The following SGSM1 variants were observed in gnomAD, a reference collection of about 807,000 sequenced individuals.
SGSM1 encodes the protein small G protein signaling modulator 1.
In SGSM1, 73 loss-of-function variants were observed where a neutral mutation model predicts 133.8. That is an observed-to-expected ratio of 0.55 (90% confidence interval 0.45 to 0.66). SGSM1 has a LOEUF of 0.66. SGSM1 is among the 30% of genes least tolerant of loss of function. The probability of loss-of-function intolerance (pLI) is 0.00; values close to 1 mark genes in which losing one functional copy is unlikely to be tolerated. For synonymous variants in SGSM1, 563 were observed against 573.0 expected, an observed-to-expected ratio of 0.98 and a Z score of 0.25; for missense variants, 1,213 against 1,448.1, an observed-to-expected ratio of 0.84 and a Z score of 2.64.
intron 2 of SGSM1, among the ~76,000 whole-genome samples, chr22:24,838,361 A>G (rs1258280324): frequency 6.6e-6 from 1 of 152,216 alleles, no homozygotes. Context: ...GACTAAAACT[A>G]GGTGTTTATA....
intron 6 of SGSM1, 59 bp downstream of exon 6, chr22:24,855,122 C>T: frequency 7.0e-6 from 11 of 1,574,174 alleles, no homozygotes; most frequent in Non-Finnish European, 9.5e-6. Flanking sequence ...CTGAGGGGCA[C>T]CTTCTCCAGG....
chr22:24,864,959 T>C (rs1931364669), intron 9 of SGSM1, among the ~76,000 whole-genome samples: 1 of 152,214 alleles, frequency 6.6e-6, no homozygotes, highest in South Asian at 2.1e-4. Flanking sequence ...AAGATGGGAA[T>C]GTAGTCAGGG....
chr22:24,853,764 G>A (rs1159105671), intron 5 of SGSM1, among the ~76,000 whole-genome samples: 1 of 140,794 alleles, frequency 7.1e-6, no homozygotes, highest in Non-Finnish European at 1.5e-5. Flanking sequence ...CACCACGCCT[G>A]GTGAATTTTT....
chr22:24,881,348 C>T (rs1199966929), intron 14 of SGSM1, among the ~76,000 whole-genome samples: 1 of 146,364 alleles, frequency 6.8e-6, no homozygotes, highest in East Asian at 2.1e-4. Context: ...GGGCGGATCA[C>T]GAGGTCAGGA....
chr22:24,839,425 C>T (rs989493990), intron 2 of SGSM1, among the ~76,000 whole-genome samples: 1 of 152,174 alleles, frequency 6.6e-6, no homozygotes, highest in Non-Finnish European at 1.5e-5. Flanking sequence ...AGGATTCTTG[C>T]ATGCATATTT....
chr22:24,898,283 G>T lies in SGSM1; in HGVS notation c.2334G>T (p.Val778=), dbSNP rs1357755829. ...AGGCTCCCCGGGAGGAGCTGGCCGT[G>T]CAGGACAGCCTGGAGAGTGACCTCC... ...QDEAPREELA[V]QDSLESDLLA... The change falls in exon 19 of 25, where the codon GTG becomes GTT. Residue 778 remains valine, a synonymous_variant. Transcript: ENST00000400358. 6.2e-7 allele frequency: 1 copy of T among 1,613,830 alleles called. No homozygotes were observed. Among genetic ancestry groups the T allele is most frequent in the Non-Finnish European group, 8.5e-7 (1 of 1,179,864 alleles).
intron 23 of SGSM1, among the ~76,000 whole-genome samples, chr22:24,918,129 G>A (rs1032681427): frequency 1.2e-4 from 18 of 152,102 alleles, no homozygotes; most frequent in African/African-American, 3.6e-4. Context: ...TTTCATGCAC[G>A]TTTCCAACAT....
intron 20 of SGSM1, among the ~76,000 whole-genome samples, chr22:24,904,564 T>A (rs923772840): frequency 7.6e-5 from 10 of 131,762 alleles, no homozygotes; most frequent in African/African-American, 3.1e-4. Flanking sequence ...TGAGCAACAG[T>A]GAGACTCCGT....
At position 24,889,711 on chromosome 22, in the gene SGSM1, G is replaced by A. The variant is rs540321061; in HGVS notation, c.1770+2983G>A. On this transcript the variant is annotated intron_variant, in intron 16 of 24. Transcript: ENST00000400358. ...GTCGCCCAGGCTGGAATGCAGTGGC[G>A]CGATCTCGGCTCACTGCAAGCTCTG... 4.3e-4 allele frequency among the ~76,000 whole-genome samples: 64 copies of A among 149,114 alleles called. No individual in the cohort carries two copies. The South Asian group carries it at 6.6e-3, about 15-fold the overall frequency.
At chr22:24,868,590 G>C (rs1931588774) in intron 11 of SGSM1, 51 bp downstream of exon 11, 1 of 1,612,470 alleles carries the variant, frequency 6.2e-7, no homozygotes, top group Admixed American at 1.7e-5. Flanking sequence ...TGGTCACAGA[G>C]GGTGGTTGTT....
rs556589316 is a variant in SGSM1, at chr22:24,840,995, C to T, written c.64-3902C>T. Among the ~76,000 whole-genome samples the T allele has an allele frequency of 1.9e-3, 295 of 152,154 alleles. 1 individual carries two copies. Among genetic ancestry groups the T allele is most frequent in the African/African-American group, 6.5e-3 (268 of 41,504 alleles). ...CCTCTCGAGTAGCTGGGACTACAGG[C>T]GCCCACCACCACGCCCGGCTAATTT... On this transcript the variant is annotated intron_variant, in intron 2 of 24. Transcript: ENST00000400358.
chr22:24,893,790 G>A (rs933220816), intron 17 of SGSM1, among the ~76,000 whole-genome samples, 177 bp downstream of exon 17: 4 of 152,106 alleles, frequency 2.6e-5, no homozygotes, highest in Admixed American at 1.3e-4. Context: ...TCAAACTCTA[G>A]TCCCACCATT....
chr22:24,910,011 CA>C (rs980275164), intron 21 of SGSM1, among the ~76,000 whole-genome samples: 45 of 151,796 alleles, frequency 3.0e-4, no homozygotes, highest in African/African-American at 1.1e-3. Flanking sequence ...TATTATTTGG[CA>C]AAAAAAGGAT....
chr22:24,900,144 A>G (rs915831842), intron 19 of SGSM1, among the ~76,000 whole-genome samples: 9 of 148,816 alleles, frequency 6.0e-5, no homozygotes, highest in Non-Finnish European at 1.2e-4. Flanking sequence ...CCTCAGCCCC[A>G]CAAGTAGCTG....
At chr22:24,903,664 C>T (rs1601976491) in intron 20 of SGSM1, among the ~76,000 whole-genome samples, 1 of 151,900 alleles carries the variant, frequency 6.6e-6, no homozygotes, top group Admixed American at 6.6e-5. Flanking sequence ...TGGTGGTGAC[C>T]TTTGAGATGG....
intron 3 of SGSM1, among the ~76,000 whole-genome samples, chr22:24,845,196 T>G (rs1336454612): frequency 6.6e-6 from 1 of 152,192 alleles, no homozygotes; most frequent in Non-Finnish European, 1.5e-5. Flanking sequence ...AGGGGTTGTC[T>G]TCCTGTAGGC....
chr22:24,839,518 G>A (rs1386480725), intron 2 of SGSM1, among the ~76,000 whole-genome samples: 1 of 152,170 alleles, frequency 6.6e-6, no homozygotes, highest in African/African-American at 2.4e-5. Context: ...GTTTGGAAGT[G>A]CTCCTGCCTC....
chr22:24,924,488 T>G lies in SGSM1; in HGVS notation c.*214T>G, dbSNP rs763839447. On this transcript the variant is annotated 3_prime_UTR_variant, in exon 25 of 25. Transcript: ENST00000400358. Reference sequence around the variant, plus strand: ...CAATTCAGCCTTACATTTTCCTGTTTGACCAAAGATTGCCCAAGTCTGGCG... The same window carrying G: ...CAATTCAGCCTTACATTTTCCTGTTGGACCAAAGATTGCCCAAGTCTGGCG... The G allele has an allele frequency of 3.6e-5, 20 of 549,188 alleles. No individual in the cohort carries two copies. The highest frequency in any genetic ancestry group is 5.2e-5 in the Non-Finnish European group (16 of 307,362). The allele number at this position is 549,188 out of a possible 1,614,324, so 34.0% of individuals were successfully genotyped here. A position where few individuals can be genotyped will look rare whatever the true frequency, so the allele number is the denominator to read the frequency against.
At chr22:24,844,788 A>G in intron 2 of SGSM1, 109 bp from the exon 3 acceptor site, 1 of 914,750 alleles carries the variant, frequency 1.1e-6, no homozygotes, top group East Asian at 2.7e-5. Flanking sequence ...AACATCCCAA[A>G]CAGCCTGAAA....
Sources: allele counts gnomAD v4.1 joint callset (sites outside exome capture counted in the v4.1 genomes callset), GRCh38; gene constraint gnomAD v4.1.1; transcripts MANE v1.5; gene names NCBI Gene and HGNC (gene_info 2026-07-23, HGNC 2026-07-21).